The following SOX5 variants were observed in gnomAD, a reference collection of about 807,000 sequenced individuals.
SOX5 encodes the protein SRY-box transcription factor 5.
SOX5 carries 9 observed loss-of-function variants against 92.0 expected under a neutral mutation model. That is an observed-to-expected ratio of 0.10 (90% CI 0.06 to 0.17). The LOEUF (loss-of-function observed/expected upper bound fraction) is 0.17. Among genes scored for constraint, SOX5 ranks in the 10% least tolerant of loss-of-function variants. The pLI, the probability that SOX5 is intolerant of heterozygous loss-of-function variation, is 1.00. For missense variants in SOX5, 642 were observed against 944.5 expected, an observed-to-expected ratio of 0.68 and a Z score of 4.20; for synonymous variants, 344 against 336.3, an observed-to-expected ratio of 1.02 and a Z score of -0.25.
intron 10 of SOX5, among the ~76,000 whole-genome samples, chr12:23,566,970 T>G (rs1345202716): frequency 1.3e-5 from 2 of 152,210 alleles, no homozygotes; most frequent in Non-Finnish European, 2.9e-5. Flanking sequence ...TTAGATGAAA[T>G]AACACATGTG....
chr12:24,292,872 T>C (rs1293488542), intron 2 of SOX5, among the ~76,000 whole-genome samples: 1 of 152,228 alleles, frequency 6.6e-6, no homozygotes, highest in Non-Finnish European at 1.5e-5. Flanking sequence ...ACCCGCGTAC[T>C]TCAAGTTTCT....
intron 6 of SOX5, among the ~76,000 whole-genome samples, chr12:23,698,045 G>A (rs2090123732): frequency 6.6e-6 from 1 of 151,714 alleles, no homozygotes; most frequent in Non-Finnish European, 1.5e-5. Flanking sequence ...TATTTTATTG[G>A]ATACTCCATG....
Position 24,084,240 on chromosome 12 carries a change from G to A in SOX5, c.-2+129103C>T, listed in dbSNP as rs945557191. Among the ~76,000 whole-genome samples the A allele has an allele frequency of 5.3e-5, 8 of 152,174 alleles. No homozygotes were observed. The East Asian group carries it at 1.2e-3, about 22-fold the overall frequency. ...CAGTGGAGAAAGAAGAGCAGTCCAA[G>A]GGGATAAATTCAGTTTGTGTCTAGA... is the stretch of plus-strand genomic sequence containing the variant. On this transcript the variant is annotated intron_variant, in intron 4 of 4. Transcript: ENST00000446891.
chr12:24,445,146 A>G (rs1021075844), intron 1 of SOX5, among the ~76,000 whole-genome samples: 5 of 152,330 alleles, frequency 3.3e-5, no homozygotes, highest in African/African-American at 9.6e-5. Context: ...AGTTAAAACA[A>G]TAAGTCATTT....
chr12:23,811,018 T>A (rs1237289847), intron 3 of SOX5, among the ~76,000 whole-genome samples: 2 of 152,162 alleles, frequency 1.3e-5, no homozygotes, highest in African/African-American at 4.8e-5. Flanking sequence ...GTAAGATATT[T>A]ATCAGTAGTT....
rs180679668 is a variant in SOX5, at chr12:24,030,476, G to A, written c.-1-134452C>T. Among the ~76,000 whole-genome samples the A allele has an allele frequency of 2.7e-3, 403 of 151,912 alleles. 1 individual carries two copies. The highest frequency in any genetic ancestry group is 9.3e-3 in the African/African-American group (387 of 41,498). On this transcript the variant is annotated intron_variant, in intron 4 of 4. Coordinates refer to the SOX5 transcript ENST00000446891. ...GTCTCTTCAATGAATAGCACTGGGG[G>A]TAACTGCATATCCATATGCAAAAGA... is the stretch of plus-strand genomic sequence containing the variant.
intron 6 of SOX5, among the ~76,000 whole-genome samples, chr12:23,724,463 C>A (rs2093004213): frequency 6.6e-6 from 1 of 151,996 alleles, no homozygotes; most frequent in Non-Finnish European, 1.5e-5. Context: ...ATATTTTTTC[C>A]CTGTTTATAA....
chr12:24,436,039 C>T (rs1939367010), intron 1 of SOX5, among the ~76,000 whole-genome samples: 1 of 152,198 alleles, frequency 6.6e-6, no homozygotes, highest in Admixed American at 6.5e-5. Context: ...TGTGCTCTGA[C>T]TGCTCCACTG....
chr12:24,126,057 G>C (rs1373871457), intron 4 of SOX5, among the ~76,000 whole-genome samples: 1 of 152,080 alleles, frequency 6.6e-6, no homozygotes, highest in African/African-American at 2.4e-5. Flanking sequence ...CTTCCAGTAG[G>C]ACCTGTTCCA....
intron 6 of SOX5, among the ~76,000 whole-genome samples, chr12:23,678,892 AAATTAT>A (rs1248857851): frequency 2.0e-5 from 3 of 152,156 alleles, no homozygotes; most frequent in Non-Finnish European, 2.9e-5. Context: ...GTATCAAAAT[AAATTAT>A]AATTATAAAT....
rs117509334 is a variant in SOX5, at chr12:24,451,351, G to A, written c.-250-82712C>T. Among the ~76,000 whole-genome samples the A allele has an allele frequency of 8.2e-3, 1,244 of 152,220 alleles. 9 individuals carry two copies. Among genetic ancestry groups the A allele is most frequent in the South Asian group, 0.025 (120 of 4,824 alleles). ...CCCAGGTCATGTGGTAGCTCAATGT[G>A]TAGTTTTTTGAGAAACCTCCAAACA... On this transcript the variant is annotated intron_variant, in intron 1 of 4. Coordinates refer to the SOX5 transcript ENST00000446891.
intron 4 of SOX5, among the ~76,000 whole-genome samples, chr12:24,156,274 A>G (rs1345162133): frequency 3.3e-5 from 5 of 152,114 alleles, no homozygotes; most frequent in Admixed American, 3.3e-4. Flanking sequence ...TCCCCTCAAG[A>G]CTACATCAGG....
intron 1 of SOX5, among the ~76,000 whole-genome samples, chr12:24,459,890 G>A (rs190236417): frequency 1.2e-3 from 186 of 152,198 alleles, no homozygotes; most frequent in Non-Finnish European, 1.6e-3. Context: ...TTTAGTTATC[G>A]TACATTTTAT....
In SOX5 at chr12:24,317,222, A is replaced by G. The variant is rs56119957; in HGVS notation, c.-173-39910T>C. On this transcript the variant is annotated intron_variant, in intron 2 of 4. Coordinates refer to the SOX5 transcript ENST00000446891. ...AAGAAAGCAATTTTTAACACATTTA[A>G]GAAACTATTCCATCAGAATGTCTTG... Among the ~76,000 whole-genome samples the G allele has an allele frequency of 6.2e-3, 951 of 152,362 alleles. 9 individuals are homozygous for G. Among genetic ancestry groups the G allele is most frequent in the East Asian group, 0.05 (260 of 5,192 alleles).
intron 3 of SOX5, among the ~76,000 whole-genome samples, chr12:24,274,888 C>G (rs1195056562): frequency 6.6e-6 from 1 of 152,114 alleles, no homozygotes; most frequent in Non-Finnish European, 1.5e-5. Context: ...GCATGCATAC[C>G]AGAAGCCTTC....
intron 1 of SOX5, among the ~76,000 whole-genome samples, chr12:23,946,199 C>T (rs986325771): frequency 1.5e-4 from 23 of 152,180 alleles, no homozygotes; most frequent in African/African-American, 4.8e-4. Context: ...GTTGTCTGCA[C>T]CAATTTGGGA....
rs1179889840 is a variant in SOX5, at chr12:24,552,286, T to C, written c.-251+10043A>G. Among the ~76,000 whole-genome samples the C allele has an allele frequency of 2.6e-5, 4 of 152,250 alleles. No individual in the cohort carries two copies. The East Asian group carries it at 7.7e-4, about 29-fold the overall frequency. The stretch of plus-strand genomic sequence containing the variant: ...TGGCACTACCACTATTCTGTGAGCA[T>C]CTTACTTAAATTCCATATGCCATGT... On this transcript the variant is annotated intron_variant, in intron 1 of 4. Transcript: ENST00000446891.
intron 3 of SOX5, among the ~76,000 whole-genome samples, chr12:23,824,571 CGTCAGGAGGCACAG>C (rs2096191377): frequency 6.6e-6 from 1 of 152,176 alleles, no homozygotes; most frequent in South Asian, 2.1e-4. Context: ...CGTGTCTCCC[CGTCAGGAGGCACAG>C]GTGTCAGGGA....
At chr12:23,797,483 G>A (rs1174576518) in intron 3 of SOX5, among the ~76,000 whole-genome samples, 1 of 151,846 alleles carries the variant, frequency 6.6e-6, no homozygotes, top group East Asian at 1.9e-4. Flanking sequence ...ACTTCAAAGT[G>A]ATAACTCTTC....
Sources: gnomAD v4.1 joint callset for allele counts (sites outside exome capture counted in the v4.1 genomes callset) on GRCh38, gnomAD v4.1.1 for gene constraint, MANE v1.5 for transcripts, NCBI Gene and HGNC (gene_info 2026-07-23, HGNC 2026-07-21) for gene names.